Variants in DNAJC1 observed in about 807,000 individuals in gnomAD.
DNAJC1 encodes the protein dnaJ homolog subfamily C member 1.
DNAJC1 carries 58 observed loss-of-function variants against 76.6 expected under a neutral mutation model. The ratio of observed to expected loss-of-function variants is 0.76; its 90% CI spans 0.61 to 0.94. DNAJC1 has a LOEUF of 0.94. DNAJC1 is among the 40% of genes least tolerant of loss of function. DNAJC1 has a pLI of 0.00. For synonymous variants in DNAJC1, 258 were observed against 267.9 expected (o/e 0.96, Z 0.36); for missense variants, 689 against 677.3 (o/e 1.02, Z -0.19).
intron 9 of DNAJC1, among the ~76,000 whole-genome samples, chr10:21,766,594 G>C (rs1322026493): frequency 6.6e-6 from 1 of 152,114 alleles, no homozygotes; most frequent in African/African-American, 2.4e-5. Context: ...CGTTATACGA[G>C]GCTGCCTCTT....
intron 1 of DNAJC1, among the ~76,000 whole-genome samples, chr10:21,929,646 A>C (rs1188982933): frequency 6.6e-6 from 1 of 152,168 alleles, no homozygotes; most frequent in Non-Finnish European, 1.5e-5. Context: ...AAGCATGCCT[A>C]TCTGAAGGGA....
At chr10:21,808,940 T>C (rs1311760613) in intron 8 of DNAJC1, among the ~76,000 whole-genome samples, 3 of 152,208 alleles carry the variant, frequency 2.0e-5, no homozygotes, top group Admixed American at 6.5e-5. Flanking sequence ...ATCTCCATAC[T>C]GAATACAAAA....
chr10:21,847,557 G>A (rs764769254), intron 8 of DNAJC1, among the ~76,000 whole-genome samples: 11 of 151,924 alleles, frequency 7.2e-5, no homozygotes, highest in Non-Finnish European at 1.6e-4. Context: ...CTGTATTTTT[G>A]CAACCGCTAA....
chr10:21,834,527 C>A (rs1835417841), intron 8 of DNAJC1, among the ~76,000 whole-genome samples: 2 of 152,170 alleles, frequency 1.3e-5, no homozygotes, highest in Admixed American at 6.5e-5. Flanking sequence ...CGAGGCATCG[C>A]CTCACCCTGG....
At chr10:21,980,901 C>CAGAA (rs1838144906) in intron 1 of DNAJC1, among the ~76,000 whole-genome samples, 1 of 151,936 alleles carries the variant, frequency 6.6e-6, no homozygotes, top group Admixed American at 6.6e-5. Flanking sequence ...GCAAGATTCC[C>CAGAA]AGAAACCCTA....
intron 7 of DNAJC1, among the ~76,000 whole-genome samples, chr10:21,894,057 G>T (rs1836501198): frequency 6.6e-6 from 1 of 152,044 alleles, no homozygotes; most frequent in Non-Finnish European, 1.5e-5. Flanking sequence ...AGATGAAAAA[G>T]ACCAATTGCT....
At chr10:21,955,606 T>C (rs1695252936) in intron 1 of DNAJC1, among the ~76,000 whole-genome samples, 1 of 152,178 alleles carries the variant, frequency 6.6e-6, no homozygotes, top group African/African-American at 2.4e-5. Context: ...GTAGGATGGC[T>C]AAATAGAGCT....
chr10:21,859,776 G>C (rs1310462152), intron 8 of DNAJC1, among the ~76,000 whole-genome samples: 1 of 151,854 alleles, frequency 6.6e-6, no homozygotes, highest in African/African-American at 2.4e-5. Context: ...TAAACTCTTG[G>C]AGAAAAAGTC....
chr10:21,802,316 A>G lies in DNAJC1; in HGVS notation c.1098+3664T>C, dbSNP rs111451839. Among the ~76,000 whole-genome samples the G allele has an allele frequency of 5.3e-5, 8 of 152,216 alleles. 1 individual carries two copies. The highest frequency in any genetic ancestry group is 1.9e-4 in the African/African-American group (8 of 41,546). On this transcript the variant is annotated intron_variant, in intron 9 of 11. Coordinates refer to ENST00000376980, the MANE Select transcript of DNAJC1 (RefSeq NM_022365.4). ...TTTGTGTAGGGCTGGCCTGACTCTA[A>G]AAGTAATAACAATATATTTGCCAAG...
intron 8 of DNAJC1, among the ~76,000 whole-genome samples, chr10:21,833,820 T>C (rs976574058): frequency 4.6e-5 from 7 of 152,120 alleles, no homozygotes; most frequent in African/African-American, 1.4e-4. Flanking sequence ...CTGTTTTTTA[T>C]TAAAAAAATT....
chr10:21,877,992 T>C (rs1836215616), intron 8 of DNAJC1, among the ~76,000 whole-genome samples: 1 of 152,246 alleles, frequency 6.6e-6, no homozygotes, highest in Non-Finnish European at 1.5e-5. Flanking sequence ...TAATGTACTG[T>C]ATTTATCAAT....
chr10:21,868,699 T>A lies in DNAJC1; in HGVS notation c.978+13583A>T, dbSNP rs1001466305. Among the ~76,000 whole-genome samples the A allele has an allele frequency of 2.6e-5, 4 of 151,970 alleles. 1 individual carries two copies. Among genetic ancestry groups the A allele is most frequent in the African/African-American group, 9.7e-5 (4 of 41,308 alleles). On this transcript the variant is annotated intron_variant, in intron 8 of 11. Transcript: ENST00000376980. ...GAGGTTAAGGAGGGTGAGTAGGGGA[T>A]AGGTATGTAAACCAAAACTAAAATT...
chr10:21,796,717 T>C (rs188666395), intron 9 of DNAJC1, among the ~76,000 whole-genome samples: 4 of 152,206 alleles, frequency 2.6e-5, no homozygotes, highest in Admixed American at 6.5e-5. Flanking sequence ...TGAGCACCTT[T>C]TCATATACCT....
chr10:21,986,144 G>A (rs141581074), intron 1 of DNAJC1, among the ~76,000 whole-genome samples: 2,739 of 152,130 alleles, frequency 0.018, 77 homozygotes, highest in African/African-American at 0.063. Flanking sequence ...GGAGAATGGC[G>A]TGAACCCGGG....
chr10:21,888,292 G>A (rs1295420959), intron 7 of DNAJC1, among the ~76,000 whole-genome samples: 1 of 152,166 alleles, frequency 6.6e-6, no homozygotes, highest in African/African-American at 2.4e-5. Flanking sequence ...TGGTGGGAGT[G>A]AAAATTAGTT....
intron 1 of DNAJC1, among the ~76,000 whole-genome samples, chr10:21,975,762 A>C (rs1838051554): frequency 6.6e-6 from 1 of 152,252 alleles, no homozygotes; most frequent in Non-Finnish European, 1.5e-5. Context: ...AATTTTACTT[A>C]GTGTTCTGAA....
At chr10:21,766,337 T>A (rs757105996) in intron 9 of DNAJC1, 28 bp from the exon 10 acceptor site, 41 of 1,588,156 alleles carry the variant, frequency 2.6e-5, no homozygotes, top group Non-Finnish European at 3.5e-5. Context: ...AGCAAAAATC[T>A]TACTTTCCAT....
chr10:21,813,094 C>CCCATATATAT (rs1834998426), intron 8 of DNAJC1, among the ~76,000 whole-genome samples: 1 of 66,716 alleles, frequency 1.5e-5, no homozygotes, highest in Non-Finnish European at 3.1e-5. Flanking sequence ...TATACACACA[C>CCCATATATAT]ACATATATAT....
rs564264681 is a variant in DNAJC1 at position 21,946,111 on chromosome 10, G to A, written c.223-16970C>T. Among the ~76,000 whole-genome samples, 319 of 120,628 alleles carry A rather than the reference G, an allele frequency of 2.6e-3. 3 individuals are homozygous for A. The highest frequency in any genetic ancestry group is 0.01 in the African/African-American group (303 of 30,260). 79.1% of individuals were successfully genotyped at this position (120,628 alleles called of 152,430 possible). A position where few individuals can be genotyped will look rare whatever the true frequency, so the allele number is the denominator to read the frequency against. On this transcript the variant is annotated intron_variant, in intron 1 of 11. Transcript: ENST00000376980. ...GCTGGAGTGCAGTGGCGCGATCTCA[G>A]CTCACTGCAATCTCCACCTCCCTGG...
Sources: gnomAD v4.1 joint callset for allele counts (sites outside exome capture counted in the v4.1 genomes callset) on GRCh38, gnomAD v4.1.1 for gene constraint, MANE v1.5 for transcripts, NCBI Gene and HGNC (gene_info 2026-07-23, HGNC 2026-07-21) for gene names.